The following CDH4 variants were observed in gnomAD, a reference collection of about 807,000 sequenced individuals.
CDH4 encodes the protein cadherin-4.
Under a neutral mutation model 86.0 loss-of-function variants are expected in CDH4, and 33 were observed. The observed-to-expected ratio is 0.38, with a 90% CI of 0.29 to 0.51. The LOEUF (loss-of-function observed/expected upper bound fraction) is 0.51. CDH4 is among the 20% of genes least tolerant of loss of function. The pLI, the probability that CDH4 is intolerant of heterozygous loss-of-function variation, is 0.86. For missense variants in CDH4, 1,114 were observed against 1,307.4 expected (o/e 0.85, Z 2.28); for synonymous variants, 555 against 549.4 (o/e 1.01, Z -0.14).
chr20:61,527,077 G>A (rs1600730649), intron 2 of CDH4, among the ~76,000 whole-genome samples: 1 of 152,196 alleles, frequency 6.6e-6, no homozygotes, highest in South Asian at 2.1e-4. Context: ...ACTTGCTAAC[G>A]CTGTAAAACT....
chr20:61,325,578 G>A (rs544830214), intron 2 of CDH4, among the ~76,000 whole-genome samples: 2 of 152,132 alleles, frequency 1.3e-5, no homozygotes, highest in African/African-American at 4.8e-5. Flanking sequence ...CAGGGGGTTA[G>A]ATGTGCAGGG....
rs867893285 is a variant in CDH4 at position 61,938,660 on chromosome 20, A to C, written c.*1717A>C. 2.0e-5 allele frequency: 3 copies of C among 152,382 alleles called. No individual in the cohort carries two copies. The highest frequency in any genetic ancestry group is 7.2e-5 in the African/African-American group (3 of 41,418). The allele number at this position is 152,382 out of a possible 1,614,324, so 9.4% of individuals were successfully genotyped here. ...TCGGGGTGCCTTTGGGGGCAGCATG[A>C]GCTCCACCAGGGGCCCCGGCCCCCA... On this transcript the variant is annotated 3_prime_UTR_variant, in exon 16 of 16. Transcript: ENST00000614565.
chr20:61,841,040 A>G (rs559582300), intron 4 of CDH4, among the ~76,000 whole-genome samples: 1 of 152,306 alleles, frequency 6.6e-6, no homozygotes, highest in South Asian at 2.1e-4. Context: ...TTCGCCCAAA[A>G]CTAGCAATAG....
rs552091126 is a variant in CDH4 at position 61,754,421 on chromosome 20, G to A, written c.396+10632G>A. Among the ~76,000 whole-genome samples the A allele has an allele frequency of 3.3e-4, 50 of 152,218 alleles. No homozygotes were observed. The highest frequency in any genetic ancestry group is 2.7e-3 in the East Asian group (14 of 5,182). On this transcript the variant is annotated intron_variant, in intron 3 of 15. Transcript: ENST00000614565. The surrounding 1 kb of genome is among the most constrained non-coding windows in gnomAD (Gnocchi z 4.7). ...CCAGGGCTGTTGAGGACAAGTCCCCGCCCACGGCAGCCCCCAGGTCCCTCT... is the reference window on the plus strand; with the variant it reads ...CCAGGGCTGTTGAGGACAAGTCCCCACCCACGGCAGCCCCCAGGTCCCTCT...
At chr20:61,491,018 T>C (rs2085623140) in intron 2 of CDH4, among the ~76,000 whole-genome samples, 1 of 152,234 alleles carries the variant, frequency 6.6e-6, no homozygotes, top group South Asian at 2.1e-4. Context: ...AAATGTAGGC[T>C]GCCTGAAATC....
At position 61,770,941 on chromosome 20, in the gene CDH4, C is replaced by A. The variant is rs373136996; in HGVS notation, c.397-2062C>A. Among the ~76,000 whole-genome samples, 115 of 151,036 alleles carry A rather than the reference C, an allele frequency of 7.6e-4. 6 individuals carry two copies. In the South Asian group the frequency reaches 0.022, roughly 28 times the overall value. The stretch of plus-strand genomic sequence containing the variant: ...GGAAGTAAAATATGATAACAGAACT[C>A]CCTGGTGACCAGAGAAAACCAGTGT... On this transcript the variant is annotated intron_variant, in intron 3 of 15. Transcript: ENST00000614565.
chr20:61,498,824 G>T (rs990223324), intron 2 of CDH4, among the ~76,000 whole-genome samples: 1 of 152,136 alleles, frequency 6.6e-6, no homozygotes, highest in Non-Finnish European at 1.5e-5. Context: ...GGTCACATTC[G>T]AAGCCGTCCT....
At chr20:61,787,442 T>C (rs1424983468) in intron 4 of CDH4, among the ~76,000 whole-genome samples, 1 of 152,200 alleles carries the variant, frequency 6.6e-6, no homozygotes, top group Non-Finnish European at 1.5e-5. Context: ...GAGAATTCAC[T>C]ATCACGAGCG....
At chr20:61,635,854 T>G (rs61275502) in intron 2 of CDH4, among the ~76,000 whole-genome samples, 7,050 of 152,234 alleles carry the variant, frequency 0.046, 206 homozygotes, top group Middle Eastern at 0.068. Flanking sequence ...TAGTTGGTCC[T>G]GCTAGACTCC....
At chr20:61,749,501 T>C (rs1342900370) in intron 3 of CDH4, among the ~76,000 whole-genome samples, 3 of 152,164 alleles carry the variant, frequency 2.0e-5, no homozygotes, top group Non-Finnish European at 4.4e-5. Context: ...CTCAACATAC[T>C]TCAAAGGTTT....
At chr20:61,451,309 C>T (rs529173294) in intron 2 of CDH4, among the ~76,000 whole-genome samples, 5 of 152,220 alleles carry the variant, frequency 3.3e-5, no homozygotes, top group East Asian at 3.9e-4. Context: ...GGAGCATGTG[C>T]GTCTCAGCTG....
chr20:61,872,043 C>T (rs11696166), intron 6 of CDH4, among the ~76,000 whole-genome samples: 98,291 of 151,820 alleles, frequency 0.65, 32,378 homozygotes, highest in African/African-American at 0.77. Context: ...GGGGGAGGGG[C>T]GAGGGGGAAG....
intron 3 of CDH4, among the ~76,000 whole-genome samples, chr20:61,766,501 G>T (rs917335499): frequency 6.6e-6 from 1 of 152,144 alleles, no homozygotes; most frequent in African/African-American, 2.4e-5. Context: ...CAGGGCTGAA[G>T]GTCCCCATGT....
At position 61,631,833 on chromosome 20, in the gene CDH4, G is replaced by A. The variant is rs1194017425; in HGVS notation, c.170-111730G>A. ...GTGGACAGCAGTGGGGGTGGCACGC[G>A]TCCTCCGGCCGGTAGTAAGTGAATG... On this transcript the variant is annotated intron_variant, in intron 2 of 15. Coordinates refer to ENST00000614565, the MANE Select transcript of CDH4 (RefSeq NM_001794.5). 3.9e-5 allele frequency among the ~76,000 whole-genome samples: 6 copies of A among 152,318 alleles called. No individual in the cohort carries two copies. In the East Asian group the frequency reaches 7.7e-4, roughly 20 times the overall value.
At chr20:61,900,880 A>G (rs971533511) in intron 8 of CDH4, among the ~76,000 whole-genome samples, 1 of 152,188 alleles carries the variant, frequency 6.6e-6, no homozygotes, top group African/African-American at 2.4e-5. Flanking sequence ...ATATTCCCGG[A>G]TATCAGTCCC....
chr20:61,600,005 G>C (rs992912849), intron 2 of CDH4: 18 of 938,642 alleles, frequency 1.9e-5, no homozygotes, highest in Non-Finnish European at 2.3e-5. Context: ...CCGTGCTAAT[G>C]ATGGGGAAAG....
At position 61,722,445 on chromosome 20, in the gene CDH4, T is replaced by G. The variant is rs368411072; in HGVS notation, c.170-21118T>G. 3.3e-5 allele frequency among the ~76,000 whole-genome samples: 5 copies of G among 152,110 alleles called. No homozygotes were observed. In the East Asian group the frequency reaches 9.6e-4, roughly 29 times the overall value. ...ATTTCACCTCCTCAGGCCTCTGAAG[T>G]TAGAGGCGACCACATGACTTGTCTT... On this transcript the variant is annotated intron_variant, in intron 2 of 15. Transcript: ENST00000614565.
At chr20:61,340,017 G>A (rs2084641676) in intron 2 of CDH4, among the ~76,000 whole-genome samples, 1 of 152,210 alleles carries the variant, frequency 6.6e-6, no homozygotes, top group African/African-American at 2.4e-5. Context: ...AAGATGATGA[G>A]TTAATTAATG....
chr20:61,502,891 C>T (rs533708582), intron 2 of CDH4, among the ~76,000 whole-genome samples: 151 of 152,244 alleles, frequency 9.9e-4, no homozygotes, highest in African/African-American at 3.3e-3. Context: ...GTGGAGGGTT[C>T]CTTGTGGTTG....
Sources: gnomAD v4.1 joint callset for allele counts (sites outside exome capture counted in the v4.1 genomes callset) on GRCh38, gnomAD v4.1.1 for gene constraint, Gnocchi (gnomAD v3.1) non-coding constraint, MANE v1.5 for transcripts, NCBI Gene and HGNC (gene_info 2026-07-23, HGNC 2026-07-21) for gene names.